PDE1A: variants seen among roughly 807,000 people sequenced by gnomAD.
The protein encoded by PDE1A is phosphodiesterase 1A, also known as dual specificity calcium/calmodulin-dependent 3',5'-cyclic nucleotide phosphodiesterase 1A.
A neutral mutation model predicts 61.7 loss-of-function variants in PDE1A; 35 were observed. That is an observed-to-expected ratio of 0.57 (90% CI 0.43 to 0.75). The LOEUF (loss-of-function observed/expected upper bound fraction) is 0.75. Ranked by LOEUF, PDE1A falls within the 30% of genes least tolerant of loss-of-function variation. The pLI, the probability that PDE1A is intolerant of heterozygous loss-of-function variation, is 0.00. For missense variants in PDE1A, 597 were observed against 630.6 expected (o/e 0.95, Z 0.57); for synonymous variants, 232 against 213.2 (o/e 1.09, Z -0.77).
chr2:182,468,558 C>A (rs542107461), intron 2 of PDE1A, among the ~76,000 whole-genome samples: 2 of 152,052 alleles, frequency 1.3e-5, no homozygotes, highest in South Asian at 4.1e-4. Flanking sequence ...CAAAGTCATC[C>A]ATGAGTGCTG....
intron 1 of PDE1A, among the ~76,000 whole-genome samples, chr2:182,332,178 G>A (rs1002912066): frequency 1.3e-5 from 2 of 152,010 alleles, no homozygotes; most frequent in South Asian, 2.1e-4. Flanking sequence ...CAAAGTTCTC[G>A]TGCTGCATTT....
intron 3 of PDE1A, among the ~76,000 whole-genome samples, chr2:182,238,684 T>C (rs551415206): frequency 3.7e-4 from 56 of 152,320 alleles, no homozygotes; most frequent in African/African-American, 1.1e-3. Flanking sequence ...AGACTTTATT[T>C]CTATATGTTC....
downstream of PDE1A, among the ~76,000 whole-genome samples, chr2:182,146,240 T>TCAA (rs1219682021): frequency 6.6e-6 from 1 of 152,162 alleles, no homozygotes; most frequent in Non-Finnish European, 1.5e-5. Context: ...GTTAATAATT[T>TCAA]GGTAGACTGA....
exon 12 of PDE1A, chr2:182,186,530 T>A: frequency 6.2e-7 from 1 of 1,613,290 alleles, no homozygotes; most frequent in Non-Finnish European, 8.5e-7. Flanking sequence ...GAATAACAAT[T>A]TTCTCTGTTG....
At chr2:182,290,732 C>T (rs562733271) in intron 1 of PDE1A, among the ~76,000 whole-genome samples, 7 of 151,934 alleles carry the variant, frequency 4.6e-5, no homozygotes, top group South Asian at 2.1e-4. Context: ...ATAGTGTTGT[C>T]GAGGGTTCTA....
At chr2:182,214,573 T>A (rs954504368) in intron 7 of PDE1A, among the ~76,000 whole-genome samples, 9 of 151,362 alleles carry the variant, frequency 5.9e-5, no homozygotes, top group African/African-American at 2.2e-4. Context: ...GAGGAAGATC[T>A]ACCAAGCCAA....
chr2:182,500,591 TA>T (rs1689029161), intron 2 of PDE1A, among the ~76,000 whole-genome samples: 2 of 152,192 alleles, frequency 1.3e-5, no homozygotes, highest in African/African-American at 4.8e-5. Flanking sequence ...AGCCTGACAC[TA>T]AACTTCAAAT....
chr2:182,703,169 G>A, the PDE1A span, among the ~76,000 whole-genome samples: 1 of 152,160 alleles, frequency 6.6e-6, no homozygotes, highest in Admixed American at 6.5e-5. Flanking sequence ...TATATTTAAT[G>A]TTACATAAAA....
In PDE1A at chr2:182,451,008, T is replaced by C. The variant is rs570522514; in HGVS notation, c.101+71268A>G. Among the ~76,000 whole-genome samples, 3 of 152,210 alleles carry C rather than the reference T, an allele frequency of 2.0e-5. No individual in the cohort carries two copies. The East Asian group carries it at 5.8e-4, about 30-fold the overall frequency. On this transcript the variant is annotated intron_variant, in intron 2 of 14. Coordinates refer to the PDE1A transcript ENST00000410103. Reference sequence around the variant, plus strand: ...TAATTCCCATTGAAGTAAGTGAAAGTTGGGTTCTGAGTCTCATTTAGATGA... The same window carrying C: ...TAATTCCCATTGAAGTAAGTGAAAGCTGGGTTCTGAGTCTCATTTAGATGA...
chr2:182,342,912 T>C (rs1259561382), intron 1 of PDE1A, among the ~76,000 whole-genome samples: 2 of 152,228 alleles, frequency 1.3e-5, no homozygotes, highest in African/African-American at 4.8e-5. Context: ...TAAGACACTT[T>C]CTCTGTCCCT....
the PDE1A span, among the ~76,000 whole-genome samples, chr2:182,610,035 C>A: frequency 5.4e-3 from 822 of 151,600 alleles, 13 homozygotes; most frequent in African/African-American, 0.019. Flanking sequence ...TTGCAGTGAG[C>A]CAAGATTATG....
exon 10 of PDE1A, chr2:182,201,517 T>C: frequency 6.2e-7 from 1 of 1,614,074 alleles, no homozygotes; most frequent in Non-Finnish European, 8.5e-7. Flanking sequence ...GGCTGATGTC[T>C]GCTGCGTGGA....
At chr2:182,621,377 A>C in the PDE1A span, among the ~76,000 whole-genome samples, 1 of 152,122 alleles carries the variant, frequency 6.6e-6, no homozygotes, top group African/African-American at 2.4e-5. Context: ...TTTTTGCTTC[A>C]AAGAGCACCT....
the PDE1A span, among the ~76,000 whole-genome samples, chr2:182,598,517 A>T: frequency 6.6e-6 from 1 of 151,434 alleles, no homozygotes; most frequent in Admixed American, 6.6e-5. Context: ...GGTTGCAGTG[A>T]GCTGCAACGC....
intron 1 of PDE1A, among the ~76,000 whole-genome samples, chr2:182,348,640 A>G (rs904373590): frequency 6.6e-6 from 1 of 151,942 alleles, no homozygotes; most frequent in Non-Finnish European, 1.5e-5. Context: ...TTTGGACTCT[A>G]TGCTATCCTG....
intron 1 of PDE1A, among the ~76,000 whole-genome samples, chr2:182,344,287 T>A (rs1698380180): frequency 6.6e-6 from 1 of 152,156 alleles, no homozygotes; most frequent in African/African-American, 2.4e-5. Context: ...TGCAATGAAA[T>A]ATATATAATG....
the PDE1A span, among the ~76,000 whole-genome samples, chr2:182,589,049 AT>A: frequency 2.3e-4 from 2 of 8,842 alleles, no homozygotes; most frequent in Non-Finnish European, 4.9e-4. Context: ...TCTCAAAATA[AT>A]AATAATAATA....
chr2:182,330,875 T>C (rs575685010), intron 1 of PDE1A, among the ~76,000 whole-genome samples: 1 of 152,214 alleles, frequency 6.6e-6, no homozygotes, highest in East Asian at 1.9e-4. Flanking sequence ...CTTTCATTTC[T>C]GAATATTTCT....
At chr2:182,509,542 G>C (rs1689652746) in intron 2 of PDE1A, among the ~76,000 whole-genome samples, 1 of 152,200 alleles carries the variant, frequency 6.6e-6, no homozygotes, top group African/African-American at 2.4e-5. Flanking sequence ...ATGGGCCTCA[G>C]AATTTGGCCC....
Sources: allele counts gnomAD v4.1 joint callset (sites outside exome capture counted in the v4.1 genomes callset), GRCh38; gene constraint gnomAD v4.1.1; transcripts MANE v1.5; gene names NCBI Gene and HGNC (gene_info 2026-07-23, HGNC 2026-07-21).